The following BRINP3 variants were observed in gnomAD, a reference collection of about 807,000 sequenced individuals.
BRINP3 encodes the protein BMP/retinoic acid-inducible neural-specific protein 3.
BRINP3 carries 19 observed loss-of-function variants against 71.0 expected under a neutral mutation model. That is an observed-to-expected ratio of 0.27 (90% CI 0.19 to 0.39). BRINP3 has a LOEUF of 0.39. BRINP3 is among the 10% of genes least tolerant of loss of function. The pLI is 1.00. For synonymous variants in BRINP3, 380 were observed against 337.7 expected (o/e 1.13, Z -1.37); for missense variants, 959 against 940.8 (o/e 1.02, Z -0.25).
At chr1:190,338,791 T>C (rs1667458086) in intron 2 of BRINP3, among the ~76,000 whole-genome samples, 1 of 151,904 alleles carries the variant, frequency 6.6e-6, no homozygotes, top group East Asian at 1.9e-4. Flanking sequence ...AATGTAATTT[T>C]AGACTTAGAA....
intron 7 of BRINP3, among the ~76,000 whole-genome samples, chr1:190,140,593 A>G (rs986387341): frequency 4.7e-4 from 71 of 152,302 alleles, no homozygotes; most frequent in Non-Finnish European, 9.0e-4. Context: ...AAATTTTAGG[A>G]TAAAAAATAA....
Position 190,281,647 on chromosome 1 carries a change from A to C in BRINP3, c.340T>G (p.Leu114Val). The C allele has an allele frequency of 6.2e-7, 1 of 1,613,048 alleles. No individual in the cohort carries two copies. Among genetic ancestry groups the C allele is most frequent in the Non-Finnish European group, 8.5e-7 (1 of 1,179,366 alleles). ...APEFFRNIRLLGRRPTLQQIT... is the reference protein window; with the variant it reads ...APEFFRNIRLVGRRPTLQQIT... ...TGCTGAAGGGTAGGTCGACGTCCCA[A>C]AAGTCTTATGTTGCGGAAGAATTCA... is the stretch of plus-strand genomic sequence containing the variant. The change falls in exon 3 of 8, where the codon TTG (leucine) becomes GTG (valine). Residue 114 changes from leucine to valine, a missense_variant. Coordinates refer to ENST00000367462, the MANE Select transcript of BRINP3 (RefSeq NM_199051.3).
At chr1:190,472,521 G>A (rs1461432529) in intron 1 of BRINP3, among the ~76,000 whole-genome samples, 5 of 151,570 alleles carry the variant, frequency 3.3e-5, no homozygotes, top group South Asian at 4.1e-4. Context: ...TCCAATTTGC[G>A]TCTGAACTCT....
chr1:190,473,804 T>C (rs930836197), intron 1 of BRINP3, among the ~76,000 whole-genome samples: 2 of 151,282 alleles, frequency 1.3e-5, no homozygotes, highest in Non-Finnish European at 2.9e-5. Context: ...TTCCAACTGG[T>C]TTTCTAAACC....
At chr1:190,103,290 A>G (rs375988164) in intron 7 of BRINP3, among the ~76,000 whole-genome samples, 1 of 152,130 alleles carries the variant, frequency 6.6e-6, no homozygotes, top group South Asian at 2.1e-4. Context: ...ATCTGTTGCC[A>G]GGATGAAAGG....
intron 6 of BRINP3, among the ~76,000 whole-genome samples, chr1:190,171,400 G>C (rs1306243193): frequency 6.6e-6 from 1 of 152,076 alleles, no homozygotes; most frequent in Non-Finnish European, 1.5e-5. Context: ...CTTTTAAACA[G>C]GAAACACTTG....
intron 4 of BRINP3, among the ~76,000 whole-genome samples, chr1:190,251,690 T>C (rs754030115): frequency 4.6e-5 from 7 of 151,944 alleles, no homozygotes; most frequent in Non-Finnish European, 8.8e-5. Flanking sequence ...CTGTGTAACA[T>C]CTACTGACAG....
rs530775380 is a variant in BRINP3 at position 190,361,080 on chromosome 1, C to T, written c.237-79330G>A. 3.3e-5 allele frequency among the ~76,000 whole-genome samples: 5 copies of T among 151,876 alleles called. No homozygotes were observed. In the East Asian group the frequency reaches 9.9e-4, roughly 30 times the overall value. The stretch of plus-strand genomic sequence containing the variant: ...GGGTGGGGAGGTGGTTGAACTTGCT[C>T]AGAGAATAGTGAGCAGATACATTTG... On this transcript the variant is annotated intron_variant, in intron 2 of 7. Transcript: ENST00000367462.
At chr1:190,459,480 G>C (rs1419609283) in intron 1 of BRINP3, among the ~76,000 whole-genome samples, 1 of 151,744 alleles carries the variant, frequency 6.6e-6, no homozygotes, top group African/African-American at 2.4e-5. Context: ...TGAATTTCCA[G>C]TAGAACTGAA....
At chr1:190,441,345 T>G (rs1674807150) in intron 2 of BRINP3, among the ~76,000 whole-genome samples, 1 of 152,172 alleles carries the variant, frequency 6.6e-6, no homozygotes, top group South Asian at 2.1e-4. Flanking sequence ...AACGTGAATA[T>G]CTGCATTCAA....
chr1:190,472,680 A>T (rs1296361695), intron 1 of BRINP3, among the ~76,000 whole-genome samples: 1 of 151,818 alleles, frequency 6.6e-6, no homozygotes, highest in East Asian at 1.9e-4. Flanking sequence ...AATGAAACAT[A>T]AAAGTTTGGA....
chr1:190,413,509 C>T (rs1170333013), intron 2 of BRINP3, among the ~76,000 whole-genome samples: 1 of 152,148 alleles, frequency 6.6e-6, no homozygotes, highest in South Asian at 2.1e-4. Flanking sequence ...TCACCATATA[C>T]TTAGACAGCC....
intron 7 of BRINP3, among the ~76,000 whole-genome samples, chr1:190,148,414 A>G (rs1004816583): frequency 1.3e-5 from 2 of 151,740 alleles, no homozygotes; most frequent in Non-Finnish European, 2.9e-5. Context: ...TAACACGGAG[A>G]AACCCCATCT....
At chr1:190,202,080 C>T (rs1655057975) in intron 6 of BRINP3, among the ~76,000 whole-genome samples, 1 of 152,148 alleles carries the variant, frequency 6.6e-6, no homozygotes, top group South Asian at 2.1e-4. Context: ...GTAGCAGATA[C>T]TCAATGCCAG....
chr1:190,469,722 T>TG (rs1170618234), intron 1 of BRINP3, among the ~76,000 whole-genome samples: 2 of 150,972 alleles, frequency 1.3e-5, no homozygotes, highest in Non-Finnish European at 3.0e-5. Context: ...GTTCTATATT[T>TG]AGTTTAGCTA....
At chr1:190,100,055 G>A (rs772569028) in intron 7 of BRINP3, among the ~76,000 whole-genome samples, 1 of 152,136 alleles carries the variant, frequency 6.6e-6, no homozygotes, top group Non-Finnish European at 1.5e-5. Context: ...CATGGGAAAA[G>A]TTGCACAGCC....
chr1:190,104,090 T>A (rs1571705092), intron 7 of BRINP3, among the ~76,000 whole-genome samples: 1 of 152,002 alleles, frequency 6.6e-6, no homozygotes, highest in East Asian at 1.9e-4. Flanking sequence ...GTGTTGAAAG[T>A]TTTGTTTCAC....
At chr1:190,274,289 G>A (rs1246142975) in intron 3 of BRINP3, among the ~76,000 whole-genome samples, 3 of 151,392 alleles carry the variant, frequency 2.0e-5, no homozygotes, top group Non-Finnish European at 4.4e-5. Flanking sequence ...TTATGAGTTG[G>A]ATGTATTTTA....
chr1:190,257,743 G>T (rs537772982), intron 4 of BRINP3, among the ~76,000 whole-genome samples: 9 of 152,280 alleles, frequency 5.9e-5, no homozygotes, highest in African/African-American at 1.7e-4. Flanking sequence ...TCCCTCAGCT[G>T]CAGGTCTGTT....
Sources: gnomAD v4.1 joint callset for allele counts (sites outside exome capture counted in the v4.1 genomes callset) on GRCh38, gnomAD v4.1.1 for gene constraint, MANE v1.5 for transcripts, NCBI Gene and HGNC (gene_info 2026-07-23, HGNC 2026-07-21) for gene names.